PDE1C: variants seen among roughly 807,000 people sequenced by gnomAD.
PDE1C encodes the protein dual specificity calcium/calmodulin-dependent 3',5'-cyclic nucleotide phosphodiesterase 1C.
Under a neutral mutation model 93.1 loss-of-function variants are expected in PDE1C, and 62 were observed. The ratio of observed to expected loss-of-function variants is 0.67; its 90% CI spans 0.54 to 0.82. The LOEUF (loss-of-function observed/expected upper bound fraction) is 0.82, where lower values mean the gene tolerates loss of function less well. Ranked by LOEUF, PDE1C falls within the 40% of genes least tolerant of loss-of-function variation. PDE1C has a pLI of 0.00. For synonymous variants in PDE1C, 325 were observed against 310.1 expected, an observed-to-expected ratio of 1.05 and a Z score of -0.50; for missense variants, 742 against 884.6, an observed-to-expected ratio of 0.84 and a Z score of 2.04.
chr7:32,005,581 A>AAAAC (rs1786122683), intron 2 of PDE1C, among the ~76,000 whole-genome samples: 2 of 147,926 alleles, frequency 1.4e-5, no homozygotes, highest in African/African-American at 5.0e-5. Context: ...AAAAAAAAAA[A>AAAAC]GAATTGTGAT....
chr7:31,859,106 T>A (rs1794365260), intron 7 of PDE1C, among the ~76,000 whole-genome samples: 1 of 146,540 alleles, frequency 6.8e-6, no homozygotes, highest in Non-Finnish European at 1.5e-5. Flanking sequence ...TATCATAATA[T>A]ATGATGTATT....
intron 1 of PDE1C, among the ~76,000 whole-genome samples, chr7:32,379,515 G>A (rs895482927): frequency 1.3e-5 from 2 of 152,140 alleles, no homozygotes; most frequent in Non-Finnish European, 2.9e-5. Flanking sequence ...GAAAAAAGCA[G>A]CCCAATTCCA....
chr7:32,271,398 A>G (rs899079035), intron 1 of PDE1C, among the ~76,000 whole-genome samples: 7 of 152,242 alleles, frequency 4.6e-5, no homozygotes, highest in Admixed American at 3.3e-4. Flanking sequence ...GCTATTCTAG[A>G]ACAGATAAAC....
intron 1 of PDE1C, among the ~76,000 whole-genome samples, chr7:32,052,517 G>A (rs1217197180): frequency 1.3e-5 from 2 of 152,330 alleles, no homozygotes; most frequent in Middle Eastern, 3.4e-3. Context: ...AGGAGAGGAA[G>A]TGTTAAGGAA....
At chr7:31,632,988 G>C in the PDE1C span, among the ~76,000 whole-genome samples, 14 of 152,220 alleles carry the variant, frequency 9.2e-5, no homozygotes, top group Admixed American at 7.2e-4. Context: ...CCTGGTTCAA[G>C]TGATTCTCCT....
At chr7:32,123,368 A>G (rs1799402225) in intron 3 of PDE1C, among the ~76,000 whole-genome samples, 1 of 152,152 alleles carries the variant, frequency 6.6e-6, no homozygotes, top group Non-Finnish European at 1.5e-5. Flanking sequence ...TTATAAAGCC[A>G]GCATCATCCT....
At chr7:32,109,323 T>C (rs948470631) in intron 3 of PDE1C, among the ~76,000 whole-genome samples, 3 of 152,208 alleles carry the variant, frequency 2.0e-5, no homozygotes, top group Non-Finnish European at 2.9e-5. Context: ...TGGATTTATA[T>C]GTAAGGACAG....
intron 16 of PDE1C, among the ~76,000 whole-genome samples, chr7:31,794,419 A>G (rs1194247937): frequency 2.0e-5 from 3 of 151,910 alleles, no homozygotes; most frequent in Non-Finnish European, 4.4e-5. Context: ...TGAAAATAAC[A>G]ATGATGTTAA....
intron 2 of PDE1C, among the ~76,000 whole-genome samples, chr7:31,911,033 C>G (rs533206534): frequency 2.6e-5 from 4 of 152,094 alleles, no homozygotes; most frequent in Non-Finnish European, 5.9e-5. Flanking sequence ...CAATTGCTTA[C>G]ATATATTCAG....
chr7:32,427,907 C>G (rs1562720225), exon 1 of PDE1C: 1 of 152,364 alleles, frequency 6.6e-6, no homozygotes, highest in Non-Finnish European at 1.5e-5. Flanking sequence ...GCCTCGCCAA[C>G]TTCGGCAGCT....
At chr7:32,266,502 A>G (rs1810584482) in intron 1 of PDE1C, among the ~76,000 whole-genome samples, 1 of 152,172 alleles carries the variant, frequency 6.6e-6, no homozygotes, top group Admixed American at 6.5e-5. Flanking sequence ...TCCGTCAAAA[A>G]AAAATAAAAA....
intron 16 of PDE1C, among the ~76,000 whole-genome samples, chr7:31,793,989 C>CAGATAGATAGATAGAT (rs60751029): frequency 5.7e-5 from 6 of 106,156 alleles, no homozygotes; most frequent in Admixed American, 1.0e-4. Flanking sequence ...ATAGATAAAC[C>CAGATAGATAGATAGAT]AGATAGATAG....
chr7:31,875,827 A>G (rs1174872903), intron 5 of PDE1C, among the ~76,000 whole-genome samples: 1 of 124,774 alleles, frequency 8.0e-6, no homozygotes, highest in East Asian at 2.5e-4. Context: ...ATATATATAT[A>G]TATATATAAT....
chr7:31,949,149 T>C (rs1282546088), intron 2 of PDE1C, among the ~76,000 whole-genome samples: 1 of 152,142 alleles, frequency 6.6e-6, no homozygotes, highest in Non-Finnish European at 1.5e-5. Flanking sequence ...ATATGTTATC[T>C]AGTTGGGGCT....
At chr7:31,780,044 C>T (rs1783288649) in intron 16 of PDE1C, among the ~76,000 whole-genome samples, 1 of 152,200 alleles carries the variant, frequency 6.6e-6, no homozygotes, top group Non-Finnish European at 1.5e-5. Context: ...GAAATCTACT[C>T]TGTCAGTGGT....
chr7:31,658,008 G>A, the PDE1C span, among the ~76,000 whole-genome samples: 8 of 152,206 alleles, frequency 5.3e-5, no homozygotes, highest in South Asian at 1.7e-3. Context: ...AAAGCCAAAA[G>A]CTTTGAATAG....
At chr7:32,313,281 T>G (rs1015218719) in intron 1 of PDE1C, among the ~76,000 whole-genome samples, 3 of 151,806 alleles carry the variant, frequency 2.0e-5, no homozygotes. Flanking sequence ...TGTGGAGAAA[T>G]AGGAACACTT....
At chr7:31,812,725 C>T (rs73090799) in intron 15 of PDE1C, among the ~76,000 whole-genome samples, 281 of 152,218 alleles carry the variant, frequency 1.8e-3, no homozygotes, top group Non-Finnish European at 2.5e-3. Flanking sequence ...AAAATATTTA[C>T]TATCTTGTCC....
At chr7:31,708,958 G>A in the PDE1C span, among the ~76,000 whole-genome samples, 1 of 152,182 alleles carries the variant, frequency 6.6e-6, no homozygotes, top group East Asian at 1.9e-4. Flanking sequence ...GCCGGGTGCT[G>A]GTTGAGGCAT....
Sources: allele counts gnomAD v4.1 joint callset (sites outside exome capture counted in the v4.1 genomes callset), GRCh38; gene constraint gnomAD v4.1.1; transcripts MANE v1.5; gene names NCBI Gene and HGNC (gene_info 2026-07-23, HGNC 2026-07-21).